CNTNAP2: variants seen among roughly 807,000 people sequenced by gnomAD.
The protein encoded by CNTNAP2 is contactin-associated protein-like 2.
Under a neutral mutation model 155.2 loss-of-function variants are expected in CNTNAP2, and 98 were observed. The ratio of observed to expected loss-of-function variants is 0.63; its 90% CI spans 0.54 to 0.75. The LOEUF is 0.75. CNTNAP2 is among the 30% of genes least tolerant of loss of function. The pLI is 0.00. For synonymous variants in CNTNAP2, 651 were observed against 631.2 expected (o/e 1.03, Z -0.47); for missense variants, 1,727 against 1,688.1 (o/e 1.02, Z -0.40).
intron 11 of CNTNAP2, among the ~76,000 whole-genome samples, chr7:147,509,869 G>T (rs1003621431): frequency 3.3e-5 from 5 of 152,036 alleles, no homozygotes; most frequent in Admixed American, 6.6e-5. Flanking sequence ...GAAGGAAAGA[G>T]GTTTTTGAGT....
Position 147,391,883 on chromosome 7 carries a change from T to C in CNTNAP2, c.1499-3726T>C, listed in dbSNP as rs77325745. ...TTGCATTGTTCACCATCTGGAGAGA[T>C]TGGAATTGAAAGAGCATTTTACTTT... On this transcript the variant is annotated intron_variant, in intron 9 of 23. Coordinates refer to ENST00000361727, the MANE Select transcript of CNTNAP2 (RefSeq NM_014141.6). Among the ~76,000 whole-genome samples the C allele has an allele frequency of 4.4e-4, 67 of 152,210 alleles. 1 individual carries two copies. The highest frequency in any genetic ancestry group is 1.2e-3 in the African/African-American group (49 of 41,512).
At chr7:147,927,511 T>A (rs927668721) in intron 14 of CNTNAP2, among the ~76,000 whole-genome samples, 1 of 152,196 alleles carries the variant, frequency 6.6e-6, no homozygotes, top group African/African-American at 2.4e-5. Flanking sequence ...AATATATACA[T>A]CTACTATGTG....
chr7:147,429,380 T>G (rs568578883), intron 10 of CNTNAP2, among the ~76,000 whole-genome samples: 5 of 152,304 alleles, frequency 3.3e-5, no homozygotes, highest in African/African-American at 1.2e-4. Context: ...TTTGTATATC[T>G]TCTTTTGAGA....
intron 18 of CNTNAP2, among the ~76,000 whole-genome samples, chr7:148,177,775 A>G (rs1794964967): frequency 6.6e-6 from 1 of 152,232 alleles, no homozygotes; most frequent in Non-Finnish European, 1.5e-5. Context: ...TGTAGCAACT[A>G]AAAGCATAGC....
chr7:147,764,234 G>A (rs1434858029), intron 13 of CNTNAP2, among the ~76,000 whole-genome samples: 1 of 152,124 alleles, frequency 6.6e-6, no homozygotes, highest in African/African-American at 2.4e-5. Context: ...CCTCTACAGT[G>A]TAGAGTCCCT....
chr7:147,666,663 T>C (rs1795701606), intron 13 of CNTNAP2, among the ~76,000 whole-genome samples: 1 of 152,210 alleles, frequency 6.6e-6, no homozygotes, highest in Non-Finnish European at 1.5e-5. Flanking sequence ...CTGTATCATG[T>C]TCTTTTGTGC....
chr7:146,190,145 T>C (rs1798681292), intron 1 of CNTNAP2, among the ~76,000 whole-genome samples: 1 of 152,190 alleles, frequency 6.6e-6, no homozygotes, highest in Non-Finnish European at 1.5e-5. Flanking sequence ...AGGAAAATGA[T>C]GCAAACCTCA....
intron 13 of CNTNAP2, among the ~76,000 whole-genome samples, chr7:147,775,619 A>G (rs948766108): frequency 4.6e-5 from 7 of 151,310 alleles, no homozygotes; most frequent in Non-Finnish European, 8.8e-5. Context: ...GACTTTTCAG[A>G]GCCCTGCTTC....
intron 1 of CNTNAP2, among the ~76,000 whole-genome samples, chr7:146,597,201 T>C (rs1213665607): frequency 1.3e-5 from 2 of 152,090 alleles, no homozygotes; most frequent in Admixed American, 6.6e-5. Flanking sequence ...CATTATAGTT[T>C]GGTGGCCGTT....
intron 13 of CNTNAP2, among the ~76,000 whole-genome samples, chr7:147,788,223 A>G (rs1222335332): frequency 6.6e-6 from 1 of 152,208 alleles, no homozygotes; most frequent in Non-Finnish European, 1.5e-5. Context: ...TGGAGTATAG[A>G]TTGCTCTCAA....
At chr7:146,132,785 G>A (rs1797736010) in intron 1 of CNTNAP2, among the ~76,000 whole-genome samples, 1 of 150,268 alleles carries the variant, frequency 6.7e-6, no homozygotes. Flanking sequence ...GTGTATATGT[G>A]CCACATTTTC....
At chr7:147,241,264 A>G (rs1803931141) in intron 8 of CNTNAP2, among the ~76,000 whole-genome samples, 1 of 152,162 alleles carries the variant, frequency 6.6e-6, no homozygotes, top group African/African-American at 2.4e-5. Context: ...ATTCTCCCTG[A>G]GCTCTTTATA....
chr7:147,090,911 A>G (rs1346913687), intron 4 of CNTNAP2, among the ~76,000 whole-genome samples: 1 of 152,180 alleles, frequency 6.6e-6, no homozygotes, highest in Non-Finnish European at 1.5e-5. Flanking sequence ...TGCTAAAATA[A>G]TCAAGAAATG....
intron 1 of CNTNAP2, among the ~76,000 whole-genome samples, chr7:146,461,468 A>T (rs759375023): frequency 1.1e-4 from 16 of 151,846 alleles, no homozygotes; most frequent in Non-Finnish European, 1.9e-4. Context: ...CAGAAAAAGA[A>T]ATTTAGTAAG....
At chr7:146,537,172 G>A (rs1797881985) in intron 1 of CNTNAP2, among the ~76,000 whole-genome samples, 1 of 152,020 alleles carries the variant, frequency 6.6e-6, no homozygotes, top group African/African-American at 2.4e-5. Flanking sequence ...AAATATACAT[G>A]ACAATATCTG....
At chr7:148,338,712 T>C (rs1328891699) in intron 21 of CNTNAP2, among the ~76,000 whole-genome samples, 1 of 152,080 alleles carries the variant, frequency 6.6e-6, no homozygotes, top group Non-Finnish European at 1.5e-5. Context: ...AACATAAAGA[T>C]AAAAAGAAAA....
intron 1 of CNTNAP2, among the ~76,000 whole-genome samples, chr7:146,620,513 T>G (rs1188093775): frequency 1.3e-5 from 2 of 152,188 alleles, no homozygotes; most frequent in Non-Finnish European, 2.9e-5. Context: ...TAATCAGTAT[T>G]GCCAAGGAGA....
chr7:147,461,357 G>A (rs535456197), intron 10 of CNTNAP2, among the ~76,000 whole-genome samples: 43 of 152,234 alleles, frequency 2.8e-4, no homozygotes, highest in African/African-American at 9.4e-4. Flanking sequence ...TGCTAATGCT[G>A]TAATAATTTG....
At chr7:146,263,127 G>A (rs1289349872) in intron 1 of CNTNAP2, among the ~76,000 whole-genome samples, 4 of 152,078 alleles carry the variant, frequency 2.6e-5, no homozygotes, top group African/African-American at 9.7e-5. Context: ...GGCCAGCCTG[G>A]CCAATATGGT....
Sources: gnomAD v4.1 joint callset for allele counts (sites outside exome capture counted in the v4.1 genomes callset) on GRCh38, gnomAD v4.1.1 for gene constraint, MANE v1.5 for transcripts, NCBI Gene and HGNC (gene_info 2026-07-23, HGNC 2026-07-21) for gene names.